The following FAM25G variants were observed in gnomAD, a reference collection of about 807,000 sequenced individuals.
The protein encoded by FAM25G is protein FAM25G.
A neutral mutation model predicts 6.4 loss-of-function variants in FAM25G; 3 were observed. The ratio of observed to expected loss-of-function variants is 0.47; its 90% CI spans 0.21 to 1.21. FAM25G has a LOEUF of 1.21. FAM25G is among the 50% of genes most tolerant of loss of function. The pLI is 0.22. For missense variants in FAM25G, 34 were observed against 76.0 expected (o/e 0.45, Z 2.06); for synonymous variants, 15 against 31.3 (o/e 0.48, Z 1.74).
chr10:47,488,088 C>T (rs1840078681), intron 2 of FAM25G, among the ~76,000 whole-genome samples: 2 of 137,230 alleles, frequency 1.5e-5, no homozygotes, highest in Admixed American at 1.5e-4. Flanking sequence ...CTGGGCCCAT[C>T]CATGAACCAG....
intron 1 of FAM25G, among the ~76,000 whole-genome samples, chr10:47,490,101 G>T (rs1318414113): frequency 6.6e-6 from 1 of 150,682 alleles, no homozygotes; most frequent in South Asian, 2.1e-4. Context: ...CCCCTCTCAG[G>T]ATGTGCTAGC....
chr10:47,490,013 C>T lies in FAM25G; in HGVS notation c.74-365G>A, dbSNP rs1269967958. Among the ~76,000 whole-genome samples, 327 of 150,300 alleles carry T rather than the reference C, an allele frequency of 2.2e-3. 4 individuals are homozygous for T. The highest frequency in any genetic ancestry group is 7.5e-3 in the African/African-American group (303 of 40,402). On this transcript the variant is annotated intron_variant, in intron 1 of 2. Transcript: ENST00000452267. ...GTCCCTGAAGCCCCTTGGCCCTGCC[C>T]GGCCTGGAATGGCAATGAGCAGGCA...
Position 47,489,588 on chromosome 10 carries a change from TTCTC to T in FAM25G, c.130_133del (p.Glu44LysfsTer7). 3.0e-6 allele frequency: 2 copies of T among 656,914 alleles called. No individual in the cohort carries two copies. The highest frequency in any genetic ancestry group is 5.3e-6 in the Non-Finnish European group (2 of 376,688). The allele number at this position is 656,914 out of a possible 1,614,324, so 40.7% of individuals were successfully genotyped here. On this transcript the variant is annotated frameshift_variant, in exon 2 of 3. Transcript: ENST00000452267. LOFTEE classifies it high-confidence loss of function. The stretch of plus-strand genomic sequence containing the variant: ...TGCCCGACCTCAGCCGGCTGTACCT[TTCTC>T]TCCAGTCTCCTTGGCATGTCCCACC...
chr10:47,490,217 G>A (rs1840126070), intron 1 of FAM25G: 1 of 176,360 alleles, frequency 5.7e-6, no homozygotes. Flanking sequence ...GTTTTTTAAA[G>A]TGTGGGTGGT....
At chr10:47,490,097 T>A (rs1254493026) in intron 1 of FAM25G, among the ~76,000 whole-genome samples, 3 of 150,702 alleles carry the variant, frequency 2.0e-5, no homozygotes, top group African/African-American at 7.4e-5. Flanking sequence ...CACACCCCTC[T>A]CAGGATGTGC....
In FAM25G at chr10:47,487,428, T is replaced by A. The variant is rs1588938026; in HGVS notation, c.137-20A>T. 4 of 1,041,518 alleles carry A rather than the reference T, an allele frequency of 3.8e-6. No homozygotes were observed. The highest frequency in any genetic ancestry group is 5.4e-6 in the Non-Finnish European group (4 of 743,276). 64.5% of individuals were successfully genotyped at this position (1,041,518 alleles called of 1,614,324 possible). A position where few individuals can be genotyped will look rare whatever the true frequency, so the allele number is the denominator to read the frequency against. On this transcript the variant is annotated intron_variant, in intron 2 of 2. Transcript: ENST00000452267. Reference sequence around the variant, plus strand: ...CAATGGCTGTTGGAAAGAGGAAGAATGTCCTAGTGATCCACCTGCTGAACT... The same window carrying A: ...CAATGGCTGTTGGAAAGAGGAAGAAAGTCCTAGTGATCCACCTGCTGAACT...
At chr10:47,488,809 G>A (rs1840092890) in intron 2 of FAM25G, among the ~76,000 whole-genome samples, 1 of 124,464 alleles carries the variant, frequency 8.0e-6, no homozygotes, top group Non-Finnish European at 1.6e-5. Context: ...CTCACTGCAA[G>A]CTCCACCTTC....
At chr10:47,490,616 C>A (rs1158760513) in intron 1 of FAM25G, among the ~76,000 whole-genome samples, 3 of 150,856 alleles carry the variant, frequency 2.0e-5, no homozygotes, top group Non-Finnish European at 4.4e-5. Flanking sequence ...GCAAGTCTAG[C>A]AAGCCCTGCC....
intron 2 of FAM25G, among the ~76,000 whole-genome samples, chr10:47,488,947 C>G (rs1224235162): frequency 1.4e-5 from 2 of 147,964 alleles, no homozygotes; most frequent in Non-Finnish European, 3.0e-5. Flanking sequence ...GATCTCCTGA[C>G]CTCATGATCC....
At chr10:47,489,134 C>T (rs1482636206) in intron 2 of FAM25G, among the ~76,000 whole-genome samples, 3 of 150,256 alleles carry the variant, frequency 2.0e-5, no homozygotes, top group Non-Finnish European at 4.4e-5. Flanking sequence ...TCTCCTGCCT[C>T]AGCCTCCCAA....
intron 1 of FAM25G, among the ~76,000 whole-genome samples, chr10:47,490,613 T>C (rs1362883780): frequency 4.0e-5 from 6 of 150,882 alleles, no homozygotes; most frequent in Non-Finnish European, 8.8e-5. Flanking sequence ...CCAGCAAGTC[T>C]AGCAAGCCCT....
At chr10:47,488,279 C>T (rs1312077541) in intron 2 of FAM25G, among the ~76,000 whole-genome samples, 1 of 143,000 alleles carries the variant, frequency 7.0e-6, no homozygotes, top group Non-Finnish European at 1.5e-5. Flanking sequence ...GGTGCAATCT[C>T]AGCTCACTGC....
chr10:47,491,558 C>T lies in FAM25G; in HGVS notation c.73+44G>A, dbSNP rs1555224031. 9 of 1,474,630 alleles carry T rather than the reference C, an allele frequency of 6.1e-6. 1 individual carries two copies. Among genetic ancestry groups the T allele is most frequent in the Non-Finnish European group, 8.2e-6 (9 of 1,095,878 alleles). The allele number at this position is 1,474,630 out of a possible 1,614,324, so 91.3% of individuals were successfully genotyped here. The stretch of plus-strand genomic sequence containing the variant: ...CCGCCTCCCACAGACCCAGTCTGCC[C>T]CAGATCCCCCCAGCCCAGGTAGAAA... On this transcript the variant is annotated intron_variant, in intron 1 of 2. Coordinates refer to ENST00000452267, the MANE Select transcript of FAM25G (RefSeq NM_001137549.2).
At position 47,488,008 on chromosome 10, in the gene FAM25G, G is replaced by C. The variant is rs1250553449; in HGVS notation, c.137-600C>G. On this transcript the variant is annotated intron_variant, in intron 2 of 2. Transcript: ENST00000452267. ...TGATATTAAGGGGTGGGGCCTTTGGGAGGTTGAAATTAGCACCCACATAAA... is the reference window on the plus strand; with the variant it reads ...TGATATTAAGGGGTGGGGCCTTTGGCAGGTTGAAATTAGCACCCACATAAA... Among the ~76,000 whole-genome samples, 7 of 146,646 alleles carry C rather than the reference G, an allele frequency of 4.8e-5. No homozygotes were observed. In the East Asian group the frequency reaches 1.5e-3, roughly 32 times the overall value.
intron 2 of FAM25G, among the ~76,000 whole-genome samples, chr10:47,488,713 ATTTTTT>A (rs1160121365): frequency 6.3e-4 from 39 of 62,104 alleles, no homozygotes; most frequent in African/African-American, 2.6e-3. Context: ...TACATGTTAA[ATTTTTT>A]TTTTTTTTTT....
At chr10:47,488,416 G>C (rs1393244867) in intron 2 of FAM25G, among the ~76,000 whole-genome samples, 1 of 142,096 alleles carries the variant, frequency 7.0e-6, no homozygotes, top group Admixed American at 7.1e-5. Flanking sequence ...TTACCATATT[G>C]GTCAGGCTGG....
chr10:47,489,089 C>T (rs1358719612), intron 2 of FAM25G, among the ~76,000 whole-genome samples: 2 of 150,358 alleles, frequency 1.3e-5, no homozygotes, highest in African/African-American at 4.9e-5. Context: ...ATGATCTAGG[C>T]TCACTGCAAG....
intron 2 of FAM25G, among the ~76,000 whole-genome samples, chr10:47,488,887 C>A (rs1840095405): frequency 6.8e-6 from 1 of 146,542 alleles, no homozygotes; most frequent in East Asian, 2.2e-4. Flanking sequence ...GCCACCGTGC[C>A]CAGCTAATTT....
intron 2 of FAM25G, among the ~76,000 whole-genome samples, chr10:47,488,685 A>T (rs1840088129): frequency 7.2e-6 from 1 of 138,110 alleles, no homozygotes; most frequent in Non-Finnish European, 1.5e-5. Flanking sequence ...CATCAATTTA[A>T]CATTTAACAT....
Sources: allele counts gnomAD v4.1 joint callset (sites outside exome capture counted in the v4.1 genomes callset), GRCh38; gene constraint gnomAD v4.1.1; transcripts MANE v1.5; gene names NCBI Gene and HGNC (gene_info 2026-07-23, HGNC 2026-07-21).